C16orf74: variants seen among roughly 807,000 people sequenced by gnomAD.
C16orf74 encodes the protein calcimembrin.
Under a neutral mutation model 6.5 loss-of-function variants are expected in C16orf74, and 10 were observed. That is an observed-to-expected ratio of 1.54 (90% confidence interval 0.95 to 2.61). The LOEUF is 2.61. Among genes scored for constraint, C16orf74 ranks in the 30% most tolerant of loss-of-function variants. The pLI is 0.00. For missense variants in C16orf74, 141 were observed against 105.9 expected, an observed-to-expected ratio of 1.33 and a Z score of -1.45; for synonymous variants, 60 against 42.5, an observed-to-expected ratio of 1.41 and a Z score of -1.60.
At chr16:85,750,565 G>A (rs1040791243) in intron 1 of C16orf74, among the ~76,000 whole-genome samples, 1 of 152,232 alleles carries the variant, frequency 6.6e-6, no homozygotes, top group Non-Finnish European at 1.5e-5. Flanking sequence ...CCGCCGGGCT[G>A]CCTTCCAGCT....
At chr16:85,712,426 C>G (rs983050351) in intron 2 of C16orf74, among the ~76,000 whole-genome samples, 2 of 152,222 alleles carry the variant, frequency 1.3e-5, no homozygotes, top group African/African-American at 4.8e-5. Flanking sequence ...GAAGGGATGG[C>G]AGGTGCACAG....
chr16:85,725,864 G>C (rs551498325), intron 2 of C16orf74, among the ~76,000 whole-genome samples: 1 of 151,958 alleles, frequency 6.6e-6, no homozygotes, highest in Non-Finnish European at 1.5e-5. Context: ...TTGGCTTTCC[G>C]AAGTGCTGGC....
chr16:85,720,426 G>T (rs1409226351), intron 2 of C16orf74, among the ~76,000 whole-genome samples: 1 of 152,114 alleles, frequency 6.6e-6, no homozygotes, highest in Non-Finnish European at 1.5e-5. Flanking sequence ...GGCGCTCTGG[G>T]AAGGCTGTGG....
At chr16:85,720,114 T>C (rs113491309) in intron 2 of C16orf74, among the ~76,000 whole-genome samples, 1,594 of 151,798 alleles carry the variant, frequency 0.011, 29 homozygotes, top group African/African-American at 0.036. Context: ...GAGGCTGGGG[T>C]AGCTCTTGGC....
intron 2 of C16orf74, among the ~76,000 whole-genome samples, chr16:85,717,997 G>C (rs890663018): frequency 6.6e-6 from 1 of 152,238 alleles, no homozygotes; most frequent in African/African-American, 2.4e-5. Context: ...ACTCCCGGCC[G>C]CCCAGAGGTC....
At chr16:85,739,936 G>A (rs1380843196) in intron 1 of C16orf74, among the ~76,000 whole-genome samples, 4 of 151,818 alleles carry the variant, frequency 2.6e-5, no homozygotes, top group Non-Finnish European at 4.4e-5. Flanking sequence ...TCGGCCGGGC[G>A]CAGTGGCTCA....
intron 2 of C16orf74, among the ~76,000 whole-genome samples, chr16:85,734,264 T>A (rs1442417280): frequency 6.6e-6 from 1 of 152,182 alleles, no homozygotes; most frequent in Non-Finnish European, 1.5e-5. Flanking sequence ...GTGCTCCCGG[T>A]GACCTGAGAC....
In C16orf74 at chr16:85,733,185, T is replaced by C. The variant is rs370661668; in HGVS notation, c.28+2005A>G. Reference sequence around the variant, plus strand: ...TCGTTGGAGAAGTGGATAAAGAAAATGTAGTCTGTCCACATGGTGGAATAT... The same window carrying C: ...TCGTTGGAGAAGTGGATAAAGAAAACGTAGTCTGTCCACATGGTGGAATAT... On this transcript the variant is annotated intron_variant, in intron 2 of 3. Coordinates refer to ENST00000284245, the MANE Select transcript of C16orf74 (RefSeq NM_206967.3). Among the ~76,000 whole-genome samples, 9 of 152,150 alleles carry C rather than the reference T, an allele frequency of 5.9e-5. 1 individual carries two copies. The highest frequency in any genetic ancestry group is 1.9e-4 in the African/African-American group (8 of 41,510).
intron 2 of C16orf74, among the ~76,000 whole-genome samples, chr16:85,720,358 C>A (rs2079450760): frequency 1.3e-5 from 2 of 152,158 alleles, no homozygotes; most frequent in African/African-American, 4.8e-5. Flanking sequence ...ACTGCACTTC[C>A]TCCCTCCTGG....
intron 3 of C16orf74, among the ~76,000 whole-genome samples, chr16:85,709,495 G>GTTGTTATTATTATTATTA (rs150032889): frequency 1.4e-5 from 2 of 147,398 alleles, no homozygotes; most frequent in African/African-American, 5.1e-5. Flanking sequence ...CATCCCCAAT[G>GTTGTTATTATTATTATTA]TTATTATTAT....
chr16:85,730,950 ATGT>A (rs1317954492), intron 2 of C16orf74, among the ~76,000 whole-genome samples: 2 of 152,246 alleles, frequency 1.3e-5, no homozygotes, highest in South Asian at 4.1e-4. Context: ...CATTAAAATG[ATGT>A]TTGGAATATA....
At chr16:85,715,156 C>CAA (rs59013269) in intron 2 of C16orf74, among the ~76,000 whole-genome samples, 4 of 125,494 alleles carry the variant, frequency 3.2e-5, no homozygotes, top group African/African-American at 6.1e-5. Flanking sequence ...GACTCCGTCT[C>CAA]AAAAAAAAAA....
At chr16:85,744,396 C>G (rs1223920254) in intron 1 of C16orf74, among the ~76,000 whole-genome samples, 2 of 152,024 alleles carry the variant, frequency 1.3e-5, no homozygotes, top group East Asian at 3.9e-4. Flanking sequence ...ATCTTTTTCA[C>G]ACATTTGCAG....
intron 2 of C16orf74, among the ~76,000 whole-genome samples, chr16:85,726,371 T>C (rs944986336): frequency 2.0e-5 from 3 of 152,168 alleles, no homozygotes; most frequent in Non-Finnish European, 2.9e-5. Flanking sequence ...TCCTCTGGGC[T>C]CTGTCCCGCA....
intron 2 of C16orf74, among the ~76,000 whole-genome samples, chr16:85,711,039 C>T (rs1368362155): frequency 8.5e-5 from 13 of 152,172 alleles, no homozygotes; most frequent in East Asian, 3.9e-4. Context: ...GCCAGCCGGG[C>T]GCGGTGGCTC....
intron 1 of C16orf74, among the ~76,000 whole-genome samples, chr16:85,739,493 G>A (rs780015699): frequency 6.6e-6 from 1 of 152,228 alleles, no homozygotes; most frequent in Non-Finnish European, 1.5e-5. Context: ...ACAAAATGCT[G>A]TGGGGCACAG....
chr16:85,749,817 C>T (rs1378752767), intron 1 of C16orf74, among the ~76,000 whole-genome samples: 1 of 152,244 alleles, frequency 6.6e-6, no homozygotes, highest in African/African-American at 2.4e-5. Flanking sequence ...ACCCCACCGG[C>T]ATGGGAAGGC....
intron 2 of C16orf74, among the ~76,000 whole-genome samples, chr16:85,713,872 CTG>C (rs1415547325): frequency 6.6e-6 from 1 of 152,208 alleles, no homozygotes; most frequent in African/African-American, 2.4e-5. Flanking sequence ...CAGTGGGAGA[CTG>C]TGCCTGGGAC....
intron 2 of C16orf74, among the ~76,000 whole-genome samples, chr16:85,721,916 G>C (rs2054086890): frequency 6.6e-6 from 1 of 151,990 alleles, no homozygotes; most frequent in Non-Finnish European, 1.5e-5. Flanking sequence ...CTGCAAAGGG[G>C]GTTATCAGCG....
Sources: allele counts gnomAD v4.1 joint callset (sites outside exome capture counted in the v4.1 genomes callset), GRCh38; gene constraint gnomAD v4.1.1; transcripts MANE v1.5; gene names NCBI Gene and HGNC (gene_info 2026-07-23, HGNC 2026-07-21).